The following APBA1 variants were observed in gnomAD, a reference collection of about 807,000 sequenced individuals.
APBA1 encodes amyloid beta precursor protein binding family A member 1, also known as amyloid-beta A4 precursor protein-binding family A member 1.
Under a neutral mutation model 86.6 loss-of-function variants are expected in APBA1, and 55 were observed. The observed-to-expected ratio is 0.64, with a 90% CI of 0.51 to 0.80. The LOEUF (loss-of-function observed/expected upper bound fraction) is 0.80, where lower values mean the gene tolerates loss of function less well. Among genes scored for constraint, APBA1 ranks in the 30% least tolerant of loss-of-function variants. The probability of loss-of-function intolerance (pLI) is 0.00; values close to 1 mark genes in which losing one functional copy is unlikely to be tolerated. For missense variants in APBA1, 1,090 were observed against 1,183.0 expected (o/e 0.92, Z 1.15); for synonymous variants, 511 against 493.9 (o/e 1.03, Z -0.46).
intron 1 of APBA1, among the ~76,000 whole-genome samples, chr9:69,563,879 T>C (rs569591870): frequency 5.3e-5 from 8 of 152,236 alleles, no homozygotes; most frequent in East Asian, 3.9e-4. Context: ...GGATAAAGTG[T>C]CAAGAAATAC....
chr9:69,576,835 AC>A (rs1433959566), intron 1 of APBA1, among the ~76,000 whole-genome samples: 1 of 152,206 alleles, frequency 6.6e-6, no homozygotes, highest in Non-Finnish European at 1.5e-5. Context: ...GTGCACATGT[AC>A]CCTAAAACTT....
chr9:69,638,719 C>G (rs1418427845), intron 1 of APBA1, among the ~76,000 whole-genome samples: 1 of 152,148 alleles, frequency 6.6e-6, no homozygotes, highest in Non-Finnish European at 1.5e-5. Context: ...AAAATTTTTA[C>G]TAAGACAAGA....
intron 1 of APBA1, among the ~76,000 whole-genome samples, chr9:69,617,648 G>A (rs1257969259): frequency 6.6e-6 from 1 of 151,964 alleles, no homozygotes; most frequent in African/African-American, 2.4e-5. Flanking sequence ...GAAAAAAAAC[G>A]GGAACTACAC....
chr9:69,542,015 A>AT (rs1347215745), intron 1 of APBA1, among the ~76,000 whole-genome samples: 1 of 152,090 alleles, frequency 6.6e-6, no homozygotes, highest in Non-Finnish European at 1.5e-5. Context: ...TATAAAAATA[A>AT]TTTTTTGAAA....
At chr9:69,619,517 A>C (rs1822770795) in intron 1 of APBA1, among the ~76,000 whole-genome samples, 1 of 152,220 alleles carries the variant, frequency 6.6e-6, no homozygotes, top group East Asian at 1.9e-4. Context: ...GGGTGTTTTA[A>C]AACTCAAAGT....
intron 2 of APBA1, among the ~76,000 whole-genome samples, chr9:69,512,881 C>A (rs551334204): frequency 6.6e-6 from 1 of 152,036 alleles, no homozygotes; most frequent in Non-Finnish European, 1.5e-5. Flanking sequence ...TTTTAAAACA[C>A]CTTTCCATTT....
At chr9:69,530,319 T>TAC (rs1439668114) in intron 1 of APBA1, among the ~76,000 whole-genome samples, 3 of 140,638 alleles carry the variant, frequency 2.1e-5, no homozygotes, top group African/African-American at 8.1e-5. Flanking sequence ...TATATATATA[T>TAC]ATATATATAT....
intron 1 of APBA1, among the ~76,000 whole-genome samples, chr9:69,642,955 A>G (rs1470896457): frequency 6.6e-6 from 1 of 151,676 alleles, no homozygotes; most frequent in Non-Finnish European, 1.5e-5. Context: ...CAATTCCTTC[A>G]GCTAAATCAA....
chr9:69,635,630 C>T (rs986192171), intron 1 of APBA1, among the ~76,000 whole-genome samples: 3 of 151,586 alleles, frequency 2.0e-5, no homozygotes, highest in Non-Finnish European at 4.4e-5. Context: ...CACACACAGA[C>T]TGAAAATAAA....
intron 1 of APBA1, among the ~76,000 whole-genome samples, chr9:69,568,895 T>C (rs893100374): frequency 4.6e-5 from 7 of 152,204 alleles, no homozygotes; most frequent in Non-Finnish European, 8.8e-5. Context: ...ACAGTGGCTC[T>C]ATTACTTCCA....
intron 10 of APBA1, among the ~76,000 whole-genome samples, chr9:69,442,447 C>T (rs1025135339): frequency 6.6e-6 from 1 of 151,988 alleles, no homozygotes; most frequent in Non-Finnish European, 1.5e-5. Context: ...CCCAGGCCCA[C>T]TACTCCAAAG....
intron 1 of APBA1, among the ~76,000 whole-genome samples, chr9:69,642,697 G>GT (rs1295948540): frequency 1.1e-4 from 16 of 151,066 alleles, no homozygotes; most frequent in East Asian, 3.9e-4. Flanking sequence ...GCAGATGAAG[G>GT]TTTTTTTTTG....
intron 1 of APBA1, among the ~76,000 whole-genome samples, chr9:69,605,320 G>A (rs1232472020): frequency 1.3e-5 from 2 of 151,560 alleles, no homozygotes; most frequent in African/African-American, 4.8e-5. Context: ...AAGAAATTAT[G>A]CATAAGATTA....
intron 1 of APBA1, among the ~76,000 whole-genome samples, chr9:69,643,985 T>A (rs1823342459): frequency 6.6e-6 from 1 of 152,220 alleles, no homozygotes; most frequent in South Asian, 2.1e-4. Flanking sequence ...TTCCCACAAA[T>A]ATATGCAGGG....
At chr9:69,481,429 C>T (rs1341649889) in intron 2 of APBA1, among the ~76,000 whole-genome samples, 1 of 152,018 alleles carries the variant, frequency 6.6e-6, no homozygotes, top group African/African-American at 2.4e-5. Context: ...TGAAGGACCT[C>T]TTCAAGGAGA....
intron 1 of APBA1, among the ~76,000 whole-genome samples, chr9:69,620,213 A>C (rs1822788510): frequency 6.6e-6 from 1 of 152,216 alleles, no homozygotes; most frequent in Non-Finnish European, 1.5e-5. Context: ...TTTAATTCTC[A>C]AAGCCAGGGC....
chr9:69,523,487 A>G (rs1167355494), intron 1 of APBA1, among the ~76,000 whole-genome samples: 1 of 14,018 alleles, frequency 7.1e-5, no homozygotes, highest in Non-Finnish European at 1.9e-4. Flanking sequence ...GTATATATAT[A>G]TATATATATG....
At position 69,452,329 on chromosome 9, in the gene APBA1, G is replaced by A. The variant is rs757744739; in HGVS notation, c.1789-28C>T. 2.5e-6 allele frequency: 4 copies of A among 1,611,020 alleles called. No homozygotes were observed. In the African/African-American group the frequency reaches 5.3e-5, roughly 22 times the overall value. On this transcript the variant is annotated intron_variant, in intron 8 of 12. Transcript: ENST00000265381. ...GGAACAGCAGCCAGAGAGGAAAGAT[G>A]GTCAGCAGGGCAGTGCACCTGGTGA...
intron 2 of APBA1, among the ~76,000 whole-genome samples, chr9:69,498,618 A>G (rs1340381831): frequency 6.6e-6 from 1 of 152,152 alleles, no homozygotes. Context: ...TGTGTCAGTC[A>G]GAGCCTCTAT....
Sources: allele counts gnomAD v4.1 joint callset (sites outside exome capture counted in the v4.1 genomes callset), GRCh38; gene constraint gnomAD v4.1.1; transcripts MANE v1.5; gene names NCBI Gene and HGNC (gene_info 2026-07-23, HGNC 2026-07-21).